The following POLK variants were observed in gnomAD, a reference collection of about 807,000 sequenced individuals.
The protein encoded by POLK is polymerase (DNA directed) kappa.
POLK carries 76 observed loss-of-function variants against 94.0 expected under a neutral mutation model. That is an observed-to-expected ratio of 0.81 (90% CI 0.67 to 0.98). POLK has a LOEUF of 0.98. Ranked by LOEUF, POLK falls within the 50% of genes least tolerant of loss-of-function variation. POLK has a pLI of 0.00. For missense variants in POLK, 954 were observed against 1,010.1 expected (o/e 0.94, Z 0.75); for synonymous variants, 349 against 325.4 (o/e 1.07, Z -0.78).
chr5:75,524,273 T>C (rs1011939411), intron 1 of POLK, among the ~76,000 whole-genome samples: 6 of 152,202 alleles, frequency 3.9e-5, no homozygotes, highest in Non-Finnish European at 7.4e-5. Flanking sequence ...GTTCACAGAA[T>C]AGGTTTAAAT....
intron 1 of POLK, among the ~76,000 whole-genome samples, chr5:75,519,881 T>C (rs977009691): frequency 5.9e-5 from 9 of 152,214 alleles, no homozygotes; most frequent in African/African-American, 2.2e-4. Context: ...CATTCAGTGT[T>C]ATTATTGGTA....
chr5:75,583,532 C>T, intron 8 of POLK, 115 bp downstream of exon 8: 1 of 533,998 alleles, frequency 1.9e-6, no homozygotes, highest in South Asian at 5.0e-5. Context: ...TAGATAAAAG[C>T]AAGAACTATA....
chr5:75,516,400 T>C (rs536443184), intron 1 of POLK, among the ~76,000 whole-genome samples: 6 of 152,110 alleles, frequency 3.9e-5, no homozygotes, highest in African/African-American at 9.7e-5. Flanking sequence ...CTGGGCAACA[T>C]AGGGAGACCC....
chr5:75,573,993 A>G (rs549845009), intron 5 of POLK, 124 bp downstream of exon 5: 6 of 808,406 alleles, frequency 7.4e-6, no homozygotes, highest in South Asian at 6.6e-5. Flanking sequence ...TGAGCCTCCT[A>G]TCACTTCTTC....
chr5:75,604,077 A>T (rs568262493), downstream of POLK, among the ~76,000 whole-genome samples: 25 of 152,332 alleles, frequency 1.6e-4, no homozygotes, highest in African/African-American at 6.0e-4. Flanking sequence ...AATAAATAGT[A>T]TGTGTCCAAA....
chr5:75,576,512 A>T (rs1771880848), intron 5 of POLK, among the ~76,000 whole-genome samples: 1 of 152,140 alleles, frequency 6.6e-6, no homozygotes, highest in African/African-American at 2.4e-5. Flanking sequence ...ATTGCTTATT[A>T]TAACTAGATA....
chr5:75,595,259 A>AAAAAAAAAAAAAAAAAC (rs1356416939), intron 12 of POLK, among the ~76,000 whole-genome samples: 1 of 149,820 alleles, frequency 6.7e-6, no homozygotes, highest in Non-Finnish European at 1.5e-5. Flanking sequence ...AAAAAAAAAA[A>AAAAAAAAAAAAAAAAAC]AAAAAAAAAA....
At chr5:75,543,762 C>G (rs984851634) in intron 1 of POLK, among the ~76,000 whole-genome samples, 3 of 152,134 alleles carry the variant, frequency 2.0e-5, no homozygotes, top group Non-Finnish European at 4.4e-5. Context: ...TTTGCCTTGT[C>G]CCAGGATTGC....
chr5:75,551,660 G>A (rs780248374), intron 2 of POLK, among the ~76,000 whole-genome samples: 2 of 152,142 alleles, frequency 1.3e-5, no homozygotes, highest in African/African-American at 2.4e-5. Flanking sequence ...AAACCACAAA[G>A]AGATGCCATT....
rs528256195 is a variant in POLK at position 75,538,975 on chromosome 5, T to C, written c.-13-8035T>C. 1.5e-3 allele frequency among the ~76,000 whole-genome samples: 235 copies of C among 152,282 alleles called. 2 individuals are homozygous for C. Among genetic ancestry groups the C allele is most frequent in the African/African-American group, 5.2e-3 (218 of 41,558 alleles). Reference sequence around the variant, plus strand: ...TTAGTAGAGATGAGATTTCATCATGTTGGCCAGGCTGGTCTCAAACTTCTG... The same window carrying C: ...TTAGTAGAGATGAGATTTCATCATGCTGGCCAGGCTGGTCTCAAACTTCTG... On this transcript the variant is annotated intron_variant, in intron 1 of 14. Transcript: ENST00000241436.
intron 1 of POLK, among the ~76,000 whole-genome samples, chr5:75,523,604 G>A (rs1223423758): frequency 1.3e-5 from 2 of 152,124 alleles, no homozygotes; most frequent in African/African-American, 4.8e-5. Flanking sequence ...AACCCAAACT[G>A]TTTTGTGATT....
intron 8 of POLK, among the ~76,000 whole-genome samples, chr5:75,583,763 T>C (rs1398179733): frequency 6.6e-6 from 1 of 152,188 alleles, no homozygotes; most frequent in African/African-American, 2.4e-5. Flanking sequence ...TTAATGGGCA[T>C]GATGCTTCAA....
At chr5:75,565,985 G>A (rs1317565804) in intron 3 of POLK, among the ~76,000 whole-genome samples, 1 of 152,242 alleles carries the variant, frequency 6.6e-6, no homozygotes, top group African/African-American at 2.4e-5. Flanking sequence ...TTCCCCTGGT[G>A]CTCTGTCCTA....
chr5:75,528,064 A>T (rs1768959584), intron 1 of POLK, among the ~76,000 whole-genome samples: 1 of 152,232 alleles, frequency 6.6e-6, no homozygotes, highest in African/African-American at 2.4e-5. Flanking sequence ...CTAAATTCAG[A>T]TGCCCAGACA....
chr5:75,541,586 T>C (rs533875235), intron 1 of POLK, among the ~76,000 whole-genome samples: 26 of 152,108 alleles, frequency 1.7e-4, no homozygotes, highest in African/African-American at 5.3e-4. Flanking sequence ...AAGGCAGGCC[T>C]TCTGTCTCTG....
exon 13 of POLK, chr5:75,596,633 T>G: frequency 6.2e-7 from 1 of 1,614,066 alleles, no homozygotes; most frequent in Non-Finnish European, 8.5e-7. Flanking sequence ...GATGAATGTC[T>G]TGATGGACCT....
chr5:75,516,106 T>C (rs914575411), intron 1 of POLK, among the ~76,000 whole-genome samples: 21 of 152,236 alleles, frequency 1.4e-4, no homozygotes, highest in African/African-American at 5.1e-4. Context: ...TTGAGCTCCT[T>C]ATATATTCTG....
At chr5:75,571,589 A>G (rs1347746188) in intron 4 of POLK, among the ~76,000 whole-genome samples, 2 of 152,206 alleles carry the variant, frequency 1.3e-5, no homozygotes, top group Non-Finnish European at 2.9e-5. Context: ...GGAGATTGGA[A>G]TGGATTCCAG....
chr5:75,596,344 G>T, exon 13 of POLK: 1 of 1,612,942 alleles, frequency 6.2e-7, no homozygotes. Flanking sequence ...AGAGAAAACT[G>T]ACAAAGATAA....
Sources: gnomAD v4.1 joint callset for allele counts (sites outside exome capture counted in the v4.1 genomes callset) on GRCh38, gnomAD v4.1.1 for gene constraint, MANE v1.5 for transcripts, NCBI Gene and HGNC (gene_info 2026-07-23, HGNC 2026-07-21) for gene names.